MIPEP: variants seen among roughly 807,000 people sequenced by gnomAD.
The protein encoded by MIPEP is mitochondrial intermediate peptidase.
In MIPEP, 79 loss-of-function variants were observed where a neutral mutation model predicts 90.3. The observed-to-expected ratio is 0.87, with a 90% CI of 0.73 to 1.05. The LOEUF is 1.05. Among genes scored for constraint, MIPEP ranks in the 50% least tolerant of loss-of-function variants. The pLI is 0.00. For synonymous variants in MIPEP, 334 were observed against 315.8 expected (o/e 1.06, Z -0.61); for missense variants, 940 against 905.6 (o/e 1.04, Z -0.49).
chr13:23,799,866 A>G (rs1334403023), intron 16 of MIPEP, among the ~76,000 whole-genome samples: 1 of 152,258 alleles, frequency 6.6e-6, no homozygotes, highest in African/African-American at 2.4e-5. Flanking sequence ...CTTTTATGCC[A>G]TCAAGATGGT....
intron 16 of MIPEP, among the ~76,000 whole-genome samples, chr13:23,795,401 A>G (rs1017029382): frequency 6.6e-6 from 1 of 152,210 alleles, no homozygotes; most frequent in Non-Finnish European, 1.5e-5. Context: ...CAAGTGTGGG[A>G]TAAAAATAGC....
chr13:23,851,296 A>G (rs1203521307), intron 10 of MIPEP, among the ~76,000 whole-genome samples: 5 of 152,250 alleles, frequency 3.3e-5, no homozygotes, highest in Non-Finnish European at 1.5e-5. Flanking sequence ...AAGTTATGAC[A>G]GATTTGGCAT....
In MIPEP at chr13:23,759,906, G is replaced by C. The variant is rs187946904; in HGVS notation, c.1970+190C>G. Among the ~76,000 whole-genome samples the C allele has an allele frequency of 1.1e-4, 16 of 152,296 alleles. No homozygotes were observed. In the East Asian group the frequency reaches 1.5e-3, roughly 15 times the overall value. Reference sequence around the variant, plus strand: ...GGGGGATGTCCAGGGCCACCGGTCAGCTGCGGGAAGCAGGAGCAAGCTTGG... The same window carrying C: ...GGGGGATGTCCAGGGCCACCGGTCACCTGCGGGAAGCAGGAGCAAGCTTGG... On this transcript the variant is annotated intron_variant, in intron 17 of 18. Coordinates refer to ENST00000382172, the MANE Select transcript of MIPEP (RefSeq NM_005932.4).
rs1380124763 is a variant in MIPEP, at chr13:23,874,438, T to A, written c.603+408A>T. Among the ~76,000 whole-genome samples the A allele has an allele frequency of 2.0e-5, 3 of 151,764 alleles. No individual in the cohort carries two copies. In the South Asian group the frequency reaches 6.2e-4, roughly 31 times the overall value. On this transcript the variant is annotated intron_variant, in intron 5 of 18. Coordinates refer to ENST00000382172, the MANE Select transcript of MIPEP (RefSeq NM_005932.4). ...CCATCCCAGTGTAAACACTGTGTAATCTATGCTTGTTCCATCAGTCAAACA... is the reference window on the plus strand; with the variant it reads ...CCATCCCAGTGTAAACACTGTGTAAACTATGCTTGTTCCATCAGTCAAACA...
At chr13:23,868,597 A>G (rs1870645710) in intron 7 of MIPEP, among the ~76,000 whole-genome samples, 1 of 152,032 alleles carries the variant, frequency 6.6e-6, no homozygotes, top group South Asian at 2.1e-4. Context: ...CACCCTCACT[A>G]AGTCTTGCAA....
chr13:23,734,690 G>GA (rs1325794957), intron 18 of MIPEP, among the ~76,000 whole-genome samples: 1 of 152,128 alleles, frequency 6.6e-6, no homozygotes, highest in Admixed American at 6.5e-5. Context: ...AGGACCCTTA[G>GA]ATCAACCCCA....
intron 14 of MIPEP, among the ~76,000 whole-genome samples, chr13:23,823,921 C>G (rs1953337582): frequency 6.6e-6 from 1 of 152,196 alleles, no homozygotes. Context: ...GAGCCAAACA[C>G]TGCATCAGTT....
intron 5 of MIPEP, 33 bp downstream of exon 5, chr13:23,874,813 T>C (rs1870989296): frequency 1.9e-6 from 3 of 1,546,774 alleles, no homozygotes; most frequent in African/African-American, 2.8e-5. Context: ...TTAGTAAAAC[T>C]GGAAGAGTCA....
intron 10 of MIPEP, among the ~76,000 whole-genome samples, chr13:23,846,123 G>GCCTTAGATAAT (rs781156204): frequency 1.6e-4 from 25 of 152,138 alleles, no homozygotes; most frequent in Non-Finnish European, 3.1e-4. Flanking sequence ...AATATTTACT[G>GCCTTAGATAAT]ATTCCCCTCC....
At chr13:23,822,971 C>T (rs1209683239) in intron 14 of MIPEP, among the ~76,000 whole-genome samples, 4 of 151,802 alleles carry the variant, frequency 2.6e-5, no homozygotes, top group African/African-American at 9.7e-5. Context: ...CTGCAACCTC[C>T]GCTGGGCGCT....
chr13:23,764,966 T>C (rs905817146), intron 16 of MIPEP, among the ~76,000 whole-genome samples: 4 of 152,328 alleles, frequency 2.6e-5, no homozygotes, highest in East Asian at 3.9e-4. Context: ...CATTATACAG[T>C]TGACTCTTGA....
At chr13:23,763,299 C>T (rs981781816) in intron 16 of MIPEP, among the ~76,000 whole-genome samples, 2 of 152,188 alleles carry the variant, frequency 1.3e-5, no homozygotes, top group African/African-American at 4.8e-5. Flanking sequence ...TAATGGAATA[C>T]AGCCTGCTGT....
chr13:23,862,549 T>C (rs1242283266), intron 8 of MIPEP, among the ~76,000 whole-genome samples, 187 bp from the exon 9 acceptor site: 1 of 152,208 alleles, frequency 6.6e-6, no homozygotes, highest in African/African-American at 2.4e-5. Flanking sequence ...TAAAGCAGCA[T>C]ATTACTGCGA....
In MIPEP at chr13:23,829,763, G is replaced by T. The variant is rs147290875; in HGVS notation, c.1653+6477C>A. On this transcript the variant is annotated intron_variant, in intron 14 of 18. Coordinates refer to ENST00000382172, the MANE Select transcript of MIPEP (RefSeq NM_005932.4). Reference sequence around the variant, plus strand: ...TTGAGGGGCCAGCCTGGGCAACCTAGCAAGACCTTATTTCTAAACAAGACA... The same window carrying T: ...TTGAGGGGCCAGCCTGGGCAACCTATCAAGACCTTATTTCTAAACAAGACA... 4.0e-3 allele frequency among the ~76,000 whole-genome samples: 609 copies of T among 152,186 alleles called. 7 individuals carry two copies. Among genetic ancestry groups the T allele is most frequent in the African/African-American group, 0.014 (572 of 41,534 alleles).
rs139947658 is a variant in MIPEP, at chr13:23,817,270, C to A, written c.1654-7346G>T. Among the ~76,000 whole-genome samples the A allele has an allele frequency of 2.0e-3, 312 of 152,324 alleles. 1 individual carries two copies. The highest frequency in any genetic ancestry group is 3.6e-3 in the Non-Finnish European group (242 of 68,012). ...AAAGCTTTACAAAGGGTGAACTATG[C>A]TTTTAAGTCAGGAATTACACACCAT... On this transcript the variant is annotated intron_variant, in intron 14 of 18. Coordinates refer to ENST00000382172, the MANE Select transcript of MIPEP (RefSeq NM_005932.4).
intron 7 of MIPEP, among the ~76,000 whole-genome samples, chr13:23,866,086 G>A (rs1808245866): frequency 6.6e-6 from 1 of 151,936 alleles, no homozygotes; most frequent in Non-Finnish European, 1.5e-5. Flanking sequence ...GCCCGCCTTA[G>A]CCTCAGTCAG....
intron 9 of MIPEP, among the ~76,000 whole-genome samples, chr13:23,860,689 C>T (rs1176390419): frequency 1.3e-5 from 2 of 152,190 alleles, no homozygotes; most frequent in East Asian, 3.8e-4. Context: ...ATTATTCATT[C>T]ATAGTTCAAA....
chr13:23,769,779 A>G (rs1370117487), intron 16 of MIPEP, among the ~76,000 whole-genome samples: 1 of 152,200 alleles, frequency 6.6e-6, no homozygotes, highest in Non-Finnish European at 1.5e-5. Context: ...TCCAAAACTC[A>G]TGTTGAAACT....
At chr13:23,849,573 A>G (rs1489187135) in intron 10 of MIPEP, among the ~76,000 whole-genome samples, 2 of 152,222 alleles carry the variant, frequency 1.3e-5, no homozygotes, top group African/African-American at 4.8e-5. Context: ...TACGTTACAT[A>G]TGAGTTTACA....
Sources: gnomAD v4.1 joint callset for allele counts (sites outside exome capture counted in the v4.1 genomes callset) on GRCh38, gnomAD v4.1.1 for gene constraint, MANE v1.5 for transcripts, NCBI Gene and HGNC (gene_info 2026-07-23, HGNC 2026-07-21) for gene names.